The following HAGH variants were observed in gnomAD, a reference collection of about 807,000 sequenced individuals.
HAGH encodes the protein hydroxyacylglutathione hydrolase, mitochondrial.
In HAGH, 29 loss-of-function variants were observed where a neutral mutation model predicts 35.1. That is an observed-to-expected ratio of 0.83 (90% CI 0.62 to 1.13). The LOEUF (loss-of-function observed/expected upper bound fraction) is 1.13. Among genes scored for constraint, HAGH ranks in the 50% most tolerant of loss-of-function variants. The pLI is 0.00. For synonymous variants in HAGH, 225 were observed against 176.1 expected (o/e 1.28, Z -2.20); for missense variants, 478 against 419.6 (o/e 1.14, Z -1.22).
chr16:1,818,524 A>C (rs1322799505), intron 5 of HAGH: 1 of 152,382 alleles, frequency 6.6e-6, no homozygotes, highest in Non-Finnish European at 1.5e-5. Context: ...CAGCCGTACA[A>C]GGCCCACATC....
At chr16:1,809,976 C>A (rs1397146125) in intron 7 of HAGH, 143 bp from the exon 8 acceptor site, 1 of 651,958 alleles carries the variant, frequency 1.5e-6, no homozygotes, top group Non-Finnish European at 2.8e-6. Context: ...CCAGCCTGGA[C>A]AACATGGCGA....
chr16:1,815,448 C>A (rs2142034402), intron 7 of HAGH, among the ~76,000 whole-genome samples: 1 of 152,344 alleles, frequency 6.6e-6, no homozygotes, highest in East Asian at 1.9e-4. Context: ...TGTAGCATTT[C>A]CACACAATGG....
intron 1 of HAGH, among the ~76,000 whole-genome samples, chr16:1,825,367 C>A (rs1184675327): frequency 1.3e-5 from 2 of 152,172 alleles, no homozygotes; most frequent in African/African-American, 4.8e-5. Flanking sequence ...AGCTGACAAC[C>A]CAGGGAGGTG....
rs570977685 is a variant in HAGH, at chr16:1,811,698, A to G, written c.748-1865T>C. On this transcript the variant is annotated intron_variant, in intron 7 of 8. Transcript: ENST00000397356. ...ACCACTGCACTCCAGCTTGGGTGAC[A>G]GAGTGAGACTCTGCCTCAAAAAAAT... Among the ~76,000 whole-genome samples, 559 of 152,232 alleles carry G rather than the reference A, an allele frequency of 3.7e-3. 1 individual carries two copies. Among genetic ancestry groups the G allele is most frequent in the Non-Finnish European group, 6.2e-3 (424 of 68,014 alleles).
At chr16:1,817,422 C>CT in intron 5 of HAGH, 151 bp from the exon 6 acceptor site, 1 of 647,514 alleles carries the variant, frequency 1.5e-6, no homozygotes, top group East Asian at 2.7e-5. Context: ...CTCAGCCCCC[C>CT]TGCATTCCGG....
intron 3 of HAGH, chr16:1,822,059 G>C: frequency 1.9e-6 from 1 of 525,178 alleles, no homozygotes; most frequent in Admixed American, 3.1e-5. Flanking sequence ...GAGCCGGGGG[G>C]TGGGGCCTGA....
Position 1,819,227 on chromosome 16 carries a change from C to A in HAGH, c.433-4G>T. 6.3e-7 allele frequency: 1 copy of A among 1,595,568 alleles called. No individual in the cohort carries two copies. The highest frequency in any genetic ancestry group is 8.6e-7 in the Non-Finnish European group (1 of 1,165,162). On this transcript the variant is annotated splice_region_variant and splice_polypyrimidine_tract_variant and intron_variant, in intron 4 of 8. Transcript: ENST00000397356. ...ACTTGACGTTCAGAGACCCCACCTT[C>A]AACAAAGCAGGCGACCGCGTGTGCT...
In HAGH at chr16:1,817,264, G is replaced by A. The variant is rs1897948602; in HGVS notation, c.549C>T (p.Thr183=). The change falls in exon 6 of 9, where the codon ACC becomes ACT. Residue 183 remains threonine (T), a synonymous_variant. Coordinates refer to ENST00000397356, the MANE Select transcript of HAGH (RefSeq NM_005326.6). ...ACTTCCCGCAGCCAGCCACAAACAAGGTGTCACCTGGAAACAAGGACAGCC... is the reference window on the plus strand; with the variant it reads ...ACTTCCCGCAGCCAGCCACAAACAAAGTGTCACCTGGAAACAAGGACAGCC... ...SEPPAVFTGD[T]LFVAGCGKFY... is the part of the protein sequence containing the mutation. 6.2e-7 allele frequency: 1 copy of A among 1,608,036 alleles called. No homozygotes were observed. The highest frequency in any genetic ancestry group is 1.3e-5 in the African/African-American group (1 of 74,884).
intron 1 of HAGH, 136 bp from the exon 2 acceptor site, chr16:1,823,173 G>A (rs1002225113): frequency 3.3e-5 from 24 of 725,598 alleles, no homozygotes; most frequent in African/African-American, 5.2e-5. Flanking sequence ...GGTTCTTGCC[G>A]GGAATCCCAG....
intron 7 of HAGH, among the ~76,000 whole-genome samples, chr16:1,815,258 G>A (rs56237812): frequency 6.6e-6 from 1 of 152,132 alleles, no homozygotes; most frequent in African/African-American, 2.4e-5. Flanking sequence ...GGGGACTGTA[G>A]AACAGTACAA....
rs372144672 is a variant in HAGH at position 1,824,090 on chromosome 16, T to C, written c.77-1053A>G. ...TGCAGTTACAGCCCTTCTCAGCCTC[T>C]AGCCAGAAAGAACCAATACTTGACG... On this transcript the variant is annotated intron_variant, in intron 1 of 8. Coordinates refer to ENST00000397356, the MANE Select transcript of HAGH (RefSeq NM_005326.6). 2.2e-4 allele frequency among the ~76,000 whole-genome samples: 34 copies of C among 152,126 alleles called. No individual in the cohort carries two copies. The East Asian group carries it at 4.1e-3, about 18-fold the overall frequency.
At chr16:1,820,492 A>C (rs1898107870) in intron 3 of HAGH, among the ~76,000 whole-genome samples, 1 of 151,846 alleles carries the variant, frequency 6.6e-6, no homozygotes, top group African/African-American at 2.4e-5. Context: ...CAAACTGTTC[A>C]GCATGGGAAT....
chr16:1,814,822 C>T (rs1052458149), intron 7 of HAGH, among the ~76,000 whole-genome samples: 6 of 151,850 alleles, frequency 4.0e-5, no homozygotes, highest in Non-Finnish European at 7.4e-5. Context: ...GGCTTGAACC[C>T]GGGAGGCAGA....
chr16:1,809,416 C>T (rs766834507), intron 8 of HAGH, 34 bp from the exon 9 acceptor site: 9 of 1,559,434 alleles, frequency 5.8e-6, no homozygotes, highest in East Asian at 2.2e-5. Context: ...CAGGCTGTGC[C>T]GAGCCACGCC....
chr16:1,827,050 T>G, upstream of HAGH: 1 of 853,924 alleles, frequency 1.2e-6, no homozygotes, highest in Non-Finnish European at 1.7e-6. Flanking sequence ...CTCCGCCTCT[T>G]TTTTGGCACC....
At chr16:1,826,581 C>T in intron 1 of HAGH, 131 bp downstream of exon 1, 3 of 981,996 alleles carry the variant, frequency 3.1e-6, no homozygotes, top group Non-Finnish European at 3.6e-6. Context: ...CCGCTCGAGC[C>T]CGGCAGCGCG....
intron 4 of HAGH, 43 bp from the exon 5 acceptor site, chr16:1,819,266 G>T (rs1207289618): frequency 7.7e-7 from 1 of 1,304,812 alleles, no homozygotes; most frequent in Non-Finnish European, 1.1e-6. Context: ...AGACACCCTG[G>T]AGAGCCATCT....
chr16:1,825,360 T>G (rs1193753688), intron 1 of HAGH, among the ~76,000 whole-genome samples: 1 of 152,260 alleles, frequency 6.6e-6, no homozygotes, highest in Admixed American at 6.5e-5. Context: ...CTGAAGAAGC[T>G]GACAACCCAG....
At chr16:1,816,050 C>T (rs1897877400) in intron 7 of HAGH, among the ~76,000 whole-genome samples, 1 of 142,794 alleles carries the variant, frequency 7.0e-6, no homozygotes, top group African/African-American at 2.6e-5. Context: ...AAGCGATTCT[C>T]CTGCCTCAGC....
Sources: gnomAD v4.1 joint callset for allele counts (sites outside exome capture counted in the v4.1 genomes callset) on GRCh38, gnomAD v4.1.1 for gene constraint, MANE v1.5 for transcripts, NCBI Gene and HGNC (gene_info 2026-07-23, HGNC 2026-07-21) for gene names.